Variants in TUBA4B observed in about 807,000 individuals in gnomAD.
TUBA4B encodes tubulin alpha 4b.
Under a neutral mutation model 18.4 loss-of-function variants are expected in TUBA4B, and 13 were observed. That is an observed-to-expected ratio of 0.71 (90% CI 0.46 to 1.12). TUBA4B has a LOEUF of 1.12. TUBA4B is among the 50% of genes most tolerant of loss of function. TUBA4B has a pLI of 0.00. For synonymous variants in TUBA4B, 101 were observed against 99.1 expected, an observed-to-expected ratio of 1.02 and a Z score of -0.11; for missense variants, 244 against 250.0, an observed-to-expected ratio of 0.98 and a Z score of 0.16.
At chr2:219,256,537 G>A (rs756658531) in intron 1 of TUBA4B, among the ~76,000 whole-genome samples, 2 of 152,238 alleles carry the variant, frequency 1.3e-5, no homozygotes, top group African/African-American at 2.4e-5. Context: ...CTCATCTCCA[G>A]GACCTGTGAC....
In TUBA4B at chr2:219,253,309, C is replaced by T; in HGVS notation, c.-99C>T. ...CCAGCTCGCTTCAGGAGGCCGAACC[C>T]CGTTCCCACCAACCCTCTCAGCTCA... On this transcript the variant is annotated 5_prime_UTR_variant, in exon 1 of 4. Transcript: ENST00000490341. 6.6e-7 allele frequency: 1 copy of T among 1,522,768 alleles called. No homozygotes were observed. The allele number at this position is 1,522,768 out of a possible 1,614,324, so 94.3% of individuals were successfully genotyped here. A position where few individuals can be genotyped will look rare whatever the true frequency, so the allele number is the denominator to read the frequency against.
chr2:219,256,691 G>A lies in TUBA4B; in HGVS notation c.12+3272G>A, dbSNP rs533131774. On this transcript the variant is annotated intron_variant, in intron 1 of 3. Coordinates refer to ENST00000490341, the MANE Select transcript of TUBA4B (RefSeq NM_001355221.1). The stretch of plus-strand genomic sequence containing the variant: ...GAAAGAAGGAGGCAGGAGGGTCAGA[G>A]TCAAAGAAGAGGTCAGACCTGGTGC... 6.3e-5 allele frequency among the ~76,000 whole-genome samples: 9 copies of A among 142,826 alleles called. No individual in the cohort carries two copies. In the South Asian group the frequency reaches 2.1e-3, roughly 33 times the overall value. 93.7% of individuals were successfully genotyped at this position (142,826 alleles called of 152,430 possible). A position where few individuals can be genotyped will look rare whatever the true frequency, so the allele number is the denominator to read the frequency against.
At position 219,271,548 on chromosome 2, in the gene TUBA4B, C is replaced by G. The variant is rs1388675494; in HGVS notation, c.575C>G (p.Thr192Arg). 1 of 1,614,206 alleles carries G rather than the reference C, an allele frequency of 6.2e-7. No individual in the cohort carries two copies. The highest frequency in any genetic ancestry group is 2.2e-5 in the East Asian group (1 of 44,886). ...GACGGGGCCCTCAATGTGGACCTGA[C>G]AGAGTTCCAGACCAACCTGGTGTCC... ...RFDGALNVDL[T>R]EFQTNLVSYL... The change falls in exon 4 of 4, where the codon ACA becomes AGA. Residue 192 changes from threonine (T) to arginine (R), a missense_variant. Physicochemically the swap from Thr to Arg is moderately conservative, Grantham distance 71 (BLOSUM62 -1). Coordinates refer to ENST00000490341, the MANE Select transcript of TUBA4B (RefSeq NM_001355221.1).
chr2:219,271,524 A>G lies in TUBA4B; in HGVS notation c.551A>G (p.Asp184Gly), dbSNP rs1183188887. ...TCCATCACAGCTTCTCTGCGCTTTG[A>G]CGGGGCCCTCAATGTGGACCTGACA... ...VSSITASLRF[D>G]GALNVDLTEF... is the part of the protein sequence containing the mutation. Residue 184 changes from aspartate (D) to glycine (G), a missense_variant, in exon 4 of 4, where the codon GAC becomes GGC. Transcript: ENST00000490341. 36 of 1,614,000 alleles carry G rather than the reference A, an allele frequency of 2.2e-5. No individual in the cohort carries two copies. Among genetic ancestry groups the G allele is most frequent in the Non-Finnish European group, 2.9e-5 (34 of 1,180,022 alleles).
chr2:219,259,448 A>C (rs1951747117), intron 1 of TUBA4B, among the ~76,000 whole-genome samples: 1 of 151,948 alleles, frequency 6.6e-6, no homozygotes, highest in African/African-American at 2.4e-5. Flanking sequence ...CTCCAGAATT[A>C]GGGCCATAAA....
At position 219,271,207 on chromosome 2, in the gene TUBA4B, C is replaced by A. The variant is rs745561359; in HGVS notation, c.234C>A (p.His78Gln). 6.3e-6 allele frequency: 7 copies of A among 1,117,226 alleles called. No homozygotes were observed. The highest frequency in any genetic ancestry group is 9.6e-6 in the Non-Finnish European group (7 of 727,188). 69.2% of individuals were successfully genotyped at this position (1,117,226 alleles called of 1,614,324 possible). A position where few individuals can be genotyped will look rare whatever the true frequency, so the allele number is the denominator to read the frequency against. The change falls in exon 4 of 4, where the codon CAC becomes CAA. Residue 78 changes from histidine to glutamine, a missense_variant. By Grantham distance (24) the His-to-Gln change is conservative. Transcript: ENST00000490341. The part of the protein sequence containing the change: ...CTGLQGFLVF[H>Q]SLGRGTGSDV... ...GACTTCAGGGCTTCCTGGTGTTCCA[C>A]AGCCTTGGTCGGGGCACTGGCTCTG...
intron 3 of TUBA4B, 44 bp from the exon 4 acceptor site, chr2:219,271,122 G>C (rs556106594): frequency 5.7e-6 from 4 of 697,422 alleles, no homozygotes; most frequent in South Asian, 5.1e-5. Flanking sequence ...CTGTCCATCA[G>C]CTGTGCTCCA....
At chr2:219,262,184 G>A (rs549941038) in intron 1 of TUBA4B, among the ~76,000 whole-genome samples, 2 of 152,274 alleles carry the variant, frequency 1.3e-5, no homozygotes, top group East Asian at 1.9e-4. Flanking sequence ...GGTGGTGGGC[G>A]CCTGTAGTCC....
chr2:219,258,670 G>A (rs1427267581), intron 1 of TUBA4B, among the ~76,000 whole-genome samples: 1 of 152,072 alleles, frequency 6.6e-6, no homozygotes, highest in Non-Finnish European at 1.5e-5. Flanking sequence ...AGCCCTGGCA[G>A]ATAACAAATG....
At chr2:219,256,847 A>G (rs1485016871) in intron 1 of TUBA4B, among the ~76,000 whole-genome samples, 1 of 152,082 alleles carries the variant, frequency 6.6e-6, no homozygotes, top group Non-Finnish European at 1.5e-5. Flanking sequence ...ATTATAAAAT[A>G]AAGAAGAGGT....
chr2:219,269,239 A>T (rs1240261175), intron 2 of TUBA4B, among the ~76,000 whole-genome samples: 1 of 151,998 alleles, frequency 6.6e-6, no homozygotes, highest in African/African-American at 2.4e-5. Context: ...CCTGTGCTTT[A>T]TCTTTGTACT....
In TUBA4B at chr2:219,253,748, G is replaced by A. The variant is rs886405630; in HGVS notation, c.12+329G>A. 1.1e-5 allele frequency: 15 copies of A among 1,367,416 alleles called. No homozygotes were observed. The Admixed American group carries it at 1.9e-4, about 17-fold the overall frequency. 84.7% of individuals were successfully genotyped at this position (1,367,416 alleles called of 1,614,324 possible). On this transcript the variant is annotated intron_variant, in intron 1 of 3. Transcript: ENST00000490341. ...GGATGCAAAACCCTCGCACCTCCTG[G>A]AGACCCGGAACGCCCGGTGGAGGTC...
Position 219,271,580 on chromosome 2 carries a change from A to T in TUBA4B, c.607A>T (p.Thr203Ser). 1 of 1,614,006 alleles carries T rather than the reference A, an allele frequency of 6.2e-7. No homozygotes were observed. Among genetic ancestry groups the T allele is most frequent in the Non-Finnish European group, 8.5e-7 (1 of 1,179,976 alleles). The change falls in exon 4 of 4, where the codon ACA (threonine) becomes TCA (serine). Residue 203 changes from threonine to serine, a missense_variant. Physicochemically the swap from Thr to Ser is moderately conservative, Grantham distance 58. Coordinates refer to ENST00000490341, the MANE Select transcript of TUBA4B (RefSeq NM_001355221.1). ...CCAGACCAACCTGGTGTCCTACCTCACATCCACTTCCCCCTGGCCACCTAT... is the reference window on the plus strand; with the variant it reads ...CCAGACCAACCTGGTGTCCTACCTCTCATCCACTTCCCCCTGGCCACCTAT... ...EFQTNLVSYLTSTSPWPPMHQ... is the reference protein window; with the variant it reads ...EFQTNLVSYLSSTSPWPPMHQ...
intron 1 of TUBA4B, among the ~76,000 whole-genome samples, chr2:219,257,128 C>T (rs1399975608): frequency 2.0e-5 from 3 of 149,574 alleles, no homozygotes; most frequent in Non-Finnish European, 3.0e-5. Context: ...ACTGCAAGCT[C>T]CACCTCCCGG....
intron 1 of TUBA4B, among the ~76,000 whole-genome samples, chr2:219,262,980 G>A (rs181875671): frequency 4.6e-5 from 7 of 151,526 alleles, no homozygotes; most frequent in Non-Finnish European, 1.0e-4. Context: ...GGCGGAGGTC[G>A]CAGTGAGCCG....
intron 1 of TUBA4B, among the ~76,000 whole-genome samples, chr2:219,258,629 C>T (rs1292315038): frequency 6.6e-6 from 1 of 152,130 alleles, no homozygotes; most frequent in East Asian, 1.9e-4. Flanking sequence ...CATGCCCAGC[C>T]CACCTGGCTC....
chr2:219,257,826 T>C (rs932958994), intron 1 of TUBA4B, among the ~76,000 whole-genome samples: 1 of 150,146 alleles, frequency 6.7e-6, no homozygotes, highest in African/African-American at 2.5e-5. Flanking sequence ...AAAAAAAAAA[T>C]ATATATATAC....
chr2:219,267,226 C>T (rs1319233334), intron 2 of TUBA4B, among the ~76,000 whole-genome samples: 2 of 152,158 alleles, frequency 1.3e-5, no homozygotes, highest in African/African-American at 2.4e-5. Context: ...GCCATCCCTG[C>T]TCTAAATATT....
intron 1 of TUBA4B, among the ~76,000 whole-genome samples, chr2:219,261,202 A>C (rs1951757838): frequency 6.6e-6 from 1 of 152,168 alleles, no homozygotes; most frequent in Admixed American, 6.5e-5. Context: ...CAGTGTTTCT[A>C]GCTTTCTGCG....
Sources: allele counts gnomAD v4.1 joint callset (sites outside exome capture counted in the v4.1 genomes callset), GRCh38; gene constraint gnomAD v4.1.1; transcripts MANE v1.5; gene names NCBI Gene and HGNC (gene_info 2026-07-23, HGNC 2026-07-21).